Variants in CFAP54 observed in about 807,000 individuals in gnomAD.
CFAP54 encodes the protein cilia and flagella associated protein 54.
Under a neutral mutation model 370.4 loss-of-function variants are expected in CFAP54, and 290 were observed. The observed-to-expected ratio is 0.78, with a 90% CI of 0.71 to 0.86. The LOEUF (loss-of-function observed/expected upper bound fraction) is 0.86, where lower values mean the gene tolerates loss of function less well. CFAP54 is among the 40% of genes least tolerant of loss of function. The probability of loss-of-function intolerance (pLI) is 0.00; values close to 1 mark genes in which losing one functional copy is unlikely to be tolerated. For synonymous variants in CFAP54, 1,206 were observed against 1,236.5 expected (o/e 0.98, Z 0.52); for missense variants, 3,399 against 3,528.7 (o/e 0.96, Z 0.93).
intron 60 of CFAP54, among the ~76,000 whole-genome samples, chr12:96,775,578 G>A (rs1428977886): frequency 1.3e-5 from 2 of 152,124 alleles, no homozygotes; most frequent in East Asian, 3.8e-4. Flanking sequence ...AACACGTGTG[G>A]CCAGATTTTG....
intron 66 of CFAP54, among the ~76,000 whole-genome samples, chr12:96,843,993 G>A (rs1308873579): frequency 2.6e-5 from 4 of 152,140 alleles, no homozygotes; most frequent in Non-Finnish European, 5.9e-5. Flanking sequence ...GCATTTGCAG[G>A]CATGCCATGA....
intron 25 of CFAP54, among the ~76,000 whole-genome samples, chr12:96,597,860 A>G (rs1011471263): frequency 1.3e-5 from 2 of 151,876 alleles, no homozygotes; most frequent in Non-Finnish European, 2.9e-5. Context: ...GAAAACTCCA[A>G]AACTACTAGG....
At chr12:96,827,076 A>T (rs990901553) in intron 65 of CFAP54, among the ~76,000 whole-genome samples, 174 of 133,476 alleles carry the variant, frequency 1.3e-3, no homozygotes, top group African/African-American at 4.4e-3. Flanking sequence ...ATATGCAATT[A>T]TATGTGATTA....
rs983982644 is a variant in CFAP54, at chr12:96,595,029, A to T, written c.3516+583A>T. On this transcript the variant is annotated intron_variant, in intron 25 of 67. Coordinates refer to ENST00000524981, the MANE Select transcript of CFAP54 (RefSeq NM_001306084.2). ...AGCTGGGTCTTCTGTTTAGGGTCTT[A>T]TGAGGTTGAAATCAAAGTCTTGGCC... 3.7e-4 allele frequency among the ~76,000 whole-genome samples: 56 copies of T among 152,120 alleles called. 1 individual carries two copies. The highest frequency in any genetic ancestry group is 8.8e-5 in the Non-Finnish European group (6 of 68,016).
At chr12:96,673,988 T>A in intron 39 of CFAP54, among the ~76,000 whole-genome samples, 1 of 152,220 alleles carries the variant, frequency 6.6e-6, no homozygotes, top group East Asian at 1.9e-4. Context: ...GGTGAGTAAC[T>A]TGCCTGCTTG....
At chr12:96,701,872 G>A (rs1479033614) in intron 46 of CFAP54, among the ~76,000 whole-genome samples, 4 of 152,134 alleles carry the variant, frequency 2.6e-5, no homozygotes, top group East Asian at 1.9e-4. Flanking sequence ...GGGAAACTGC[G>A]CAGTTTTGAG....
chr12:96,874,600 T>C (rs930233574), intron 67 of CFAP54, among the ~76,000 whole-genome samples: 12 of 149,536 alleles, frequency 8.0e-5, no homozygotes, highest in African/African-American at 2.9e-4. Flanking sequence ...CTGTTCTGTT[T>C]TGGGATCTCT....
intron 42 of CFAP54, among the ~76,000 whole-genome samples, chr12:96,686,445 A>G (rs1359182530): frequency 6.6e-6 from 1 of 152,184 alleles, no homozygotes; most frequent in Admixed American, 6.5e-5. Flanking sequence ...AAAGAGGTTT[A>G]ATTGGTTCGT....
chr12:96,542,139 A>T (rs1429266885), intron 14 of CFAP54, among the ~76,000 whole-genome samples: 1 of 152,168 alleles, frequency 6.6e-6, no homozygotes. Flanking sequence ...TTCGTAATAA[A>T]GTTACTCTTT....
chr12:96,609,984 C>T (rs1956338361), intron 26 of CFAP54, among the ~76,000 whole-genome samples: 1 of 152,176 alleles, frequency 6.6e-6, no homozygotes, highest in Non-Finnish European at 1.5e-5. Flanking sequence ...AAATTTAATA[C>T]AGTTCTAATT....
In CFAP54 at chr12:96,564,728, A is replaced by G. The variant is rs373034331; in HGVS notation, c.2582A>G (p.Lys861Arg). ...CAGAAAGCTCTTTTAATATTCGAGA[A>G]AGATGCAACTTCTACATCTTCATGG... ...LMQKALLIFE[K>R]DATSTSSWEL... is the part of the protein sequence containing the mutation. Residue 861 changes from lysine to arginine, a missense_variant, in exon 19 of 68, where the codon AAA becomes AGA. Physicochemically the swap from Lys to Arg is conservative, Grantham distance 26. Around this residue, in one of 3 missense-constraint regions of CFAP54, gnomAD observed 2,796 missense variants for 2,869.7 expected, o/e 0.97. Transcript: ENST00000524981. 3.2e-4 allele frequency: 203 copies of G among 631,076 alleles called. 4 individuals carry two copies. In the South Asian group the frequency reaches 3.7e-3, roughly 12 times the overall value. The allele number at this position is 631,076 out of a possible 1,614,324, so 39.1% of individuals were successfully genotyped here.
chr12:96,503,914 A>G lies in CFAP54; in HGVS notation c.452A>G (p.Tyr151Cys), dbSNP rs1955060030. Residue 151 changes from tyrosine to cysteine, a missense_variant, in exon 3 of 68, where the codon TAT becomes TGT. Around this residue, in one of 3 missense-constraint regions of CFAP54, gnomAD observed 559 missense variants for 576.7 expected, o/e 0.97. Coordinates refer to ENST00000524981, the MANE Select transcript of CFAP54 (RefSeq NM_001306084.2). ...TACAAACTGGCCCTTTTACAATGCT[A>G]TGGAAGATATCTTCAGCAGTTCAAT... ...KEYKLALLQC[Y>C]GRYLQQFNTN... The G allele has an allele frequency of 2.0e-6, 3 of 1,517,368 alleles. No individual in the cohort carries two copies. Among genetic ancestry groups the G allele is most frequent in the African/African-American group, 1.4e-5 (1 of 72,310 alleles). 94.0% of individuals were successfully genotyped at this position (1,517,368 alleles called of 1,614,324 possible).
intron 1 of CFAP54, among the ~76,000 whole-genome samples, chr12:96,499,794 C>T (rs562570864): frequency 6.6e-6 from 1 of 151,824 alleles, no homozygotes; most frequent in South Asian, 2.1e-4. Flanking sequence ...AAAAATACAA[C>T]AATCAGCCAG....
At chr12:96,542,187 G>A (rs113568311) in intron 14 of CFAP54, among the ~76,000 whole-genome samples, 42 of 152,296 alleles carry the variant, frequency 2.8e-4, no homozygotes, top group African/African-American at 8.7e-4. Flanking sequence ...CCTGTCCTCC[G>A]CTGTTGAGTG....
intron 39 of CFAP54, among the ~76,000 whole-genome samples, chr12:96,676,036 A>G (rs541805563): frequency 6.4e-4 from 98 of 152,252 alleles, no homozygotes; most frequent in Middle Eastern, 3.4e-3. Flanking sequence ...ATGTATACAT[A>G]TGTAACAAAC....
intron 58 of CFAP54, among the ~76,000 whole-genome samples, chr12:96,761,713 T>G (rs937102505): frequency 6.6e-6 from 1 of 152,236 alleles, no homozygotes; most frequent in African/African-American, 2.4e-5. Context: ...TCCATGAATA[T>G]GCAGTTGTCT....
chr12:96,670,199 A>G (rs189844734), intron 39 of CFAP54, among the ~76,000 whole-genome samples: 11 of 152,296 alleles, frequency 7.2e-5, no homozygotes, highest in Admixed American at 7.2e-4. Context: ...GTCATGGGCT[A>G]TGGGCACAGC....
chr12:96,719,961 A>G (rs772209075), intron 49 of CFAP54, among the ~76,000 whole-genome samples: 4 of 152,192 alleles, frequency 2.6e-5, no homozygotes, highest in Non-Finnish European at 4.4e-5. Context: ...AACAGTATAT[A>G]TTAAATATAC....
At chr12:96,720,837 C>A (rs1893288021) in intron 50 of CFAP54, among the ~76,000 whole-genome samples, 1 of 152,020 alleles carries the variant, frequency 6.6e-6, no homozygotes, top group Non-Finnish European at 1.5e-5. Flanking sequence ...GGCTGGCCAA[C>A]ACGAAGAAAC....
Sources: allele counts gnomAD v4.1 joint callset (sites outside exome capture counted in the v4.1 genomes callset), GRCh38; gene constraint gnomAD v4.1.1; regional missense constraint gnomAD v4.1.1; transcripts MANE v1.5; gene names NCBI Gene and HGNC (gene_info 2026-07-23, HGNC 2026-07-21).